The following PRKCI variants were observed in gnomAD, a reference collection of about 807,000 sequenced individuals.
The protein encoded by PRKCI is protein kinase C iota type.
A neutral mutation model predicts 84.0 loss-of-function variants in PRKCI; 43 were observed. The ratio of observed to expected loss-of-function variants is 0.51; its 90% CI spans 0.40 to 0.66. The LOEUF (loss-of-function observed/expected upper bound fraction) is 0.66, where lower values mean the gene tolerates loss of function less well. Among genes scored for constraint, PRKCI ranks in the 30% least tolerant of loss-of-function variants. The pLI, the probability that PRKCI is intolerant of heterozygous loss-of-function variation, is 0.00. For synonymous variants in PRKCI, 216 were observed against 234.4 expected, an observed-to-expected ratio of 0.92 and a Z score of 0.72; for missense variants, 459 against 745.6, an observed-to-expected ratio of 0.62 and a Z score of 4.48.
In PRKCI at chr3:170,303,509, A is replaced by T. The variant is rs890983355; in HGVS notation, c.*382A>T. 1 of 234,676 alleles carries T rather than the reference A, an allele frequency of 4.3e-6. No individual in the cohort carries two copies. The highest frequency in any genetic ancestry group is 8.4e-6 in the Non-Finnish European group (1 of 119,408). 14.5% of individuals were successfully genotyped at this position (234,676 alleles called of 1,614,324 possible). On this transcript the variant is annotated 3_prime_UTR_variant, in exon 18 of 18. Coordinates refer to ENST00000295797, the MANE Select transcript of PRKCI (RefSeq NM_002740.6). ...CATAATTTTTGTCATTCTGTGTTAA[A>T]TCATTTCAGGGTTTAATTTTGAAAT...
At chr3:170,251,129 A>G (rs375074058) in intron 2 of PRKCI, among the ~76,000 whole-genome samples, 100 of 152,350 alleles carry the variant, frequency 6.6e-4, no homozygotes, top group African/African-American at 2.3e-3. Context: ...TGAAGAAACT[A>G]TATAAAGAAA....
At chr3:170,258,210 G>T (rs775114559) in intron 2 of PRKCI, among the ~76,000 whole-genome samples, 1 of 151,598 alleles carries the variant, frequency 6.6e-6, no homozygotes, top group Non-Finnish European at 1.5e-5. Context: ...TTTGGATAGG[G>T]TTGGTGGCAT....
chr3:170,280,469 C>T (rs184466770), intron 9 of PRKCI, 66 bp downstream of exon 9: 194 of 1,403,662 alleles, frequency 1.4e-4, no homozygotes, highest in African/African-American at 9.3e-4. Flanking sequence ...TTTTTTGAAA[C>T]GGAGTTTCGC....
In PRKCI at chr3:170,270,532, A is replaced by G. The variant is rs376895151; in HGVS notation, c.562A>G (p.Ile188Val). Reference protein sequence around the residue: ...VHKKCHKLVTIECGRHSLPQE... With the variant: ...VHKKCHKLVTVECGRHSLPQE... ...TAAGAAGTGCCATAAACTCGTCACA[A>G]TTGAATGTGGGCGGCATTCTTTGCC... The change falls in exon 6 of 18, where the codon ATT becomes GTT. Residue 188 changes from isoleucine to valine, a missense_variant. Physicochemically the swap from Ile to Val is conservative, Grantham distance 29. Transcript: ENST00000295797. The G allele has an allele frequency of 8.7e-6, 14 of 1,612,266 alleles. No individual in the cohort carries two copies. The highest frequency in any genetic ancestry group is 1.7e-5 in the Admixed American group (1 of 59,846).
At chr3:170,238,562 A>G (rs1419577750) in intron 2 of PRKCI, among the ~76,000 whole-genome samples, 2 of 149,332 alleles carry the variant, frequency 1.3e-5, no homozygotes, top group Admixed American at 6.7e-5. Flanking sequence ...GTTTTTCACT[A>G]CCATAAACAA....
chr3:170,269,964 A>C (rs898031922), intron 5 of PRKCI, among the ~76,000 whole-genome samples: 11 of 152,082 alleles, frequency 7.2e-5, no homozygotes, highest in African/African-American at 2.4e-4. Context: ...GTCTCAAAAA[A>C]AAAAAAGAAA....
intron 12 of PRKCI, chr3:170,291,652 G>A (rs951452518): frequency 1.7e-5 from 8 of 468,112 alleles, no homozygotes; most frequent in African/African-American, 7.9e-5. Context: ...AGCTGAGATC[G>A]TGCCACTGCA....
At chr3:170,232,876 T>A (rs1409671485) in intron 1 of PRKCI, among the ~76,000 whole-genome samples, 1 of 152,226 alleles carries the variant, frequency 6.6e-6, no homozygotes, top group East Asian at 1.9e-4. Context: ...GATTTCTCTT[T>A]TCCCCTTACT....
chr3:170,283,805 C>A (rs1476568509), intron 11 of PRKCI, among the ~76,000 whole-genome samples: 1 of 152,168 alleles, frequency 6.6e-6, no homozygotes, highest in Non-Finnish European at 1.5e-5. Context: ...CACACATGAT[C>A]ATGATAATGT....
intron 12 of PRKCI, among the ~76,000 whole-genome samples, chr3:170,285,914 T>C (rs1734372539): frequency 6.7e-6 from 1 of 148,416 alleles, no homozygotes; most frequent in Admixed American, 6.7e-5. Flanking sequence ...TGGCTAATTT[T>C]AATTTTTTTT....
rs546389656 is a variant in PRKCI, at chr3:170,295,707, G to A, written c.1418-204G>A. On this transcript the variant is annotated intron_variant, in intron 14 of 17. Coordinates refer to ENST00000295797, the MANE Select transcript of PRKCI (RefSeq NM_002740.6). ...AAAAAAAAAAAAAATTTAGCCGAGC[G>A]TGATGGTGGCGCCTGTGGTCCCAGC... is the stretch of plus-strand genomic sequence containing the variant. 3.3e-5 allele frequency among the ~76,000 whole-genome samples: 5 copies of A among 151,426 alleles called. No homozygotes were observed. The South Asian group carries it at 6.3e-4, about 19-fold the overall frequency.
intron 17 of PRKCI, among the ~76,000 whole-genome samples, chr3:170,302,675 C>T (rs1474284554): frequency 6.6e-6 from 1 of 152,126 alleles, no homozygotes; most frequent in Non-Finnish European, 1.5e-5. Context: ...TAACATCTGG[C>T]TGTTGAGGTG....
In PRKCI at chr3:170,303,036, A is replaced by G. The variant is rs1734859810; in HGVS notation, c.1704-4A>G. 1 of 1,580,456 alleles carries G rather than the reference A, an allele frequency of 6.3e-7. No individual in the cohort carries two copies. Among genetic ancestry groups the G allele is most frequent in the Non-Finnish European group, 8.6e-7 (1 of 1,160,712 alleles). On this transcript the variant is annotated splice_polypyrimidine_tract_variant and splice_region_variant and intron_variant, in intron 17 of 17. Transcript: ENST00000295797. ...TGAAAATAAATTTATTTTTCTTTCA[A>G]CAGTGACATTGTGAGGAAGATTGAT...
At chr3:170,276,532 C>T (rs925224665) in intron 8 of PRKCI, among the ~76,000 whole-genome samples, 1 of 151,716 alleles carries the variant, frequency 6.6e-6, no homozygotes, top group Non-Finnish European at 1.5e-5. Context: ...TGATGGCTCA[C>T]TACAGCCTCA....
chr3:170,284,605 AATTTTCT>A lies in PRKCI; in HGVS notation c.1203+11_1203+17del. The A allele has an allele frequency of 6.2e-7, 1 of 1,605,290 alleles. No individual in the cohort carries two copies. The highest frequency in any genetic ancestry group is 2.2e-5 in the East Asian group (1 of 44,692). On this transcript the variant is annotated intron_variant, in intron 12 of 17. Coordinates refer to ENST00000295797, the MANE Select transcript of PRKCI (RefSeq NM_002740.6). The stretch of plus-strand genomic sequence containing the variant: ...ACTACGGCATGTGTAAGGTGAGGAA[AATTTTCT>A]AGTTATTTTAAAAGGTCTTCAGCAG...
At chr3:170,259,380 G>A (rs1733666927) in intron 2 of PRKCI, among the ~76,000 whole-genome samples, 1 of 151,912 alleles carries the variant, frequency 6.6e-6, no homozygotes, top group East Asian at 1.9e-4. Context: ...CACCAAAAAA[G>A]AAAACCAAAG....
chr3:170,222,717 C>G lies in PRKCI; in HGVS notation c.48C>G (p.Gly16=), dbSNP rs771014198. 3.7e-6 allele frequency: 6 copies of G among 1,607,664 alleles called. No individual in the cohort carries two copies. In the South Asian group the frequency reaches 6.6e-5, roughly 18 times the overall value. Reference sequence around the variant, plus strand: ...GCACCATGTCCCACACGGTCGCAGGCGGCGGCAGCGGGGACCATTCCCACC... The same window carrying G: ...GCACCATGTCCCACACGGTCGCAGGGGGCGGCAGCGGGGACCATTCCCACC... ...DSSTMSHTVA[G]GGSGDHSHQV... Residue 16 remains glycine (G), a synonymous_variant, in exon 1 of 18, where the codon GGC becomes GGG. Coordinates refer to ENST00000295797, the MANE Select transcript of PRKCI (RefSeq NM_002740.6).
At chr3:170,265,414 A>G (rs565322700) in intron 4 of PRKCI, among the ~76,000 whole-genome samples, 1 of 152,288 alleles carries the variant, frequency 6.6e-6, no homozygotes, top group East Asian at 1.9e-4. Flanking sequence ...AGAGTGTCCA[A>G]CTACTCTTTG....
At chr3:170,224,817 C>T (rs1732588142) in intron 1 of PRKCI, among the ~76,000 whole-genome samples, 1 of 152,208 alleles carries the variant, frequency 6.6e-6, no homozygotes, top group East Asian at 1.9e-4. Flanking sequence ...AGCCACTGCG[C>T]CTGGCCCTAA....
Sources: allele counts gnomAD v4.1 joint callset (sites outside exome capture counted in the v4.1 genomes callset), GRCh38; gene constraint gnomAD v4.1.1; transcripts MANE v1.5; gene names NCBI Gene and HGNC (gene_info 2026-07-23, HGNC 2026-07-21).